The following PTPRD variants were observed in gnomAD, a reference collection of about 807,000 sequenced individuals.
PTPRD encodes receptor-type tyrosine-protein phosphatase delta.
A neutral mutation model predicts 214.5 loss-of-function variants in PTPRD; 34 were observed. The ratio of observed to expected loss-of-function variants is 0.16; its 90% CI spans 0.12 to 0.21. The LOEUF is 0.21. Ranked by LOEUF, PTPRD falls within the 10% of genes least tolerant of loss-of-function variation. The pLI, the probability that PTPRD is intolerant of heterozygous loss-of-function variation, is 1.00. For synonymous variants in PTPRD, 1,128 were observed against 845.7 expected (o/e 1.33, Z -5.79); for missense variants, 2,545 against 2,398.7 (o/e 1.06, Z -1.27).
intron 11 of PTPRD, among the ~76,000 whole-genome samples, chr9:8,975,950 ATTAAT>A (rs1351952526): frequency 6.6e-6 from 1 of 152,008 alleles, no homozygotes; most frequent in African/African-American, 2.4e-5. Flanking sequence ...ATATGTTGTA[ATTAAT>A]TTAAGTAATC....
intron 8 of PTPRD, among the ~76,000 whole-genome samples, chr9:9,480,927 G>A (rs2147089993): frequency 6.6e-6 from 1 of 152,274 alleles, no homozygotes; most frequent in South Asian, 2.1e-4. Flanking sequence ...TCCTTCATAT[G>A]CCACATGCTA....
chr9:10,059,279 C>T (rs1215774881), intron 3 of PTPRD, among the ~76,000 whole-genome samples: 1 of 152,120 alleles, frequency 6.6e-6, no homozygotes, highest in African/African-American at 2.4e-5. Context: ...TTTACAACTT[C>T]CATGTTGCGC....
chr9:8,636,590 C>T, intron 13 of PTPRD, 109 bp downstream of exon 13: 1 of 1,342,940 alleles, frequency 7.4e-7, no homozygotes, highest in South Asian at 1.4e-5. Context: ...TAAGGAATAC[C>T]ATATATCAGT....
At chr9:9,119,817 C>T (rs914573006) in intron 10 of PTPRD, among the ~76,000 whole-genome samples, 2 of 151,608 alleles carry the variant, frequency 1.3e-5, no homozygotes, top group African/African-American at 2.4e-5. Flanking sequence ...AGCCACCATG[C>T]CTTGCCAGAT....
intron 3 of PTPRD, among the ~76,000 whole-genome samples, chr9:10,277,775 G>C (rs942468112): frequency 6.6e-6 from 1 of 152,160 alleles, no homozygotes. Context: ...ACATAGTGGA[G>C]TTACATGAAA....
At chr9:9,632,412 G>A (rs1164978676) in intron 7 of PTPRD, among the ~76,000 whole-genome samples, 2 of 152,168 alleles carry the variant, frequency 1.3e-5, no homozygotes, top group African/African-American at 2.4e-5. Context: ...TTGGGGAGGA[G>A]AGAATGGAAA....
At chr9:9,970,073 C>A (rs531514637) in intron 4 of PTPRD, among the ~76,000 whole-genome samples, 1 of 151,856 alleles carries the variant, frequency 6.6e-6, no homozygotes, top group Non-Finnish European at 1.5e-5. Context: ...AAAAGGAGAC[C>A]GTTTGTATTT....
At chr9:8,645,483 G>A (rs2096667137) in intron 12 of PTPRD, among the ~76,000 whole-genome samples, 1 of 152,140 alleles carries the variant, frequency 6.6e-6, no homozygotes, top group African/African-American at 2.4e-5. Context: ...TTCTATGCAT[G>A]TCTATACCAT....
chr9:8,624,377 C>A (rs952174370), intron 14 of PTPRD, among the ~76,000 whole-genome samples: 1 of 151,832 alleles, frequency 6.6e-6, no homozygotes, highest in Non-Finnish European at 1.5e-5. Flanking sequence ...GGATTAAGGA[C>A]TATTTGAGAA....
At chr9:8,984,098 A>G (rs1402510929) in intron 11 of PTPRD, among the ~76,000 whole-genome samples, 2 of 152,088 alleles carry the variant, frequency 1.3e-5, no homozygotes, top group Admixed American at 6.6e-5. Flanking sequence ...CTACATGTGT[A>G]TATTGGAAGA....
chr9:9,897,235 G>T (rs143109171), intron 5 of PTPRD, among the ~76,000 whole-genome samples: 203 of 151,964 alleles, frequency 1.3e-3, no homozygotes, highest in African/African-American at 4.8e-3. Flanking sequence ...CTTAAATCTA[G>T]AGGCAGAGGT....
chr9:8,697,472 G>C (rs1029724909), intron 12 of PTPRD, among the ~76,000 whole-genome samples: 2 of 139,050 alleles, frequency 1.4e-5, no homozygotes, highest in African/African-American at 2.8e-5. Flanking sequence ...ACCTAGGCTG[G>C]AGTGCAGTGG....
chr9:9,725,910 G>C (rs896476583), intron 7 of PTPRD, among the ~76,000 whole-genome samples: 3 of 152,044 alleles, frequency 2.0e-5, no homozygotes, highest in Non-Finnish European at 4.4e-5. Flanking sequence ...TTTCCCAGCA[G>C]TACGCATTGT....
At chr9:10,464,723 A>G (rs2098982126) in intron 2 of PTPRD, among the ~76,000 whole-genome samples, 1 of 152,036 alleles carries the variant, frequency 6.6e-6, no homozygotes, top group Admixed American at 6.5e-5. Context: ...TTAAAGTAGA[A>G]AAAAAAACTC....
intron 31 of PTPRD, 125 bp downstream of exon 31, chr9:8,470,870 C>G (rs977345620): frequency 2.5e-6 from 2 of 787,774 alleles, no homozygotes; most frequent in Admixed American, 1.9e-5. Context: ...ACTGAACCAT[C>G]CAACCAGCTA....
At chr9:9,292,740 G>A (rs1357886194) in intron 9 of PTPRD, among the ~76,000 whole-genome samples, 1 of 151,432 alleles carries the variant, frequency 6.6e-6, no homozygotes, top group East Asian at 2.0e-4. Context: ...CCTCTTGGCT[G>A]CGACAGTTTC....
intron 3 of PTPRD, among the ~76,000 whole-genome samples, chr9:10,141,283 T>C (rs1431240978): frequency 6.6e-6 from 1 of 152,110 alleles, no homozygotes; most frequent in Non-Finnish European, 1.5e-5. Context: ...ATAAAGGGCA[T>C]TCAATTAGGA....
intron 11 of PTPRD, among the ~76,000 whole-genome samples, chr9:9,004,003 T>C (rs2099439690): frequency 6.6e-6 from 1 of 152,046 alleles, no homozygotes; most frequent in Admixed American, 6.6e-5. Flanking sequence ...CTATAAATCA[T>C]TTGCTGCATT....
At chr9:8,344,452 A>AT (rs33929426) in intron 39 of PTPRD, among the ~76,000 whole-genome samples, 1,819 of 150,702 alleles carry the variant, frequency 0.012, 18 homozygotes, top group South Asian at 0.037. Flanking sequence ...CATAATGGTG[A>AT]TTTTTTTTTT....
Sources: gnomAD v4.1 joint callset for allele counts (sites outside exome capture counted in the v4.1 genomes callset) on GRCh38, gnomAD v4.1.1 for gene constraint, MANE v1.5 for transcripts, NCBI Gene and HGNC (gene_info 2026-07-23, HGNC 2026-07-21) for gene names.